Variants in URGCP observed in about 807,000 individuals in gnomAD.
URGCP encodes upregulator of cell proliferation.
Under a neutral mutation model 24.6 loss-of-function variants are expected in URGCP, and 13 were observed. The observed-to-expected ratio is 0.53, with a 90% CI of 0.34 to 0.84. URGCP has a LOEUF of 0.84. Among genes scored for constraint, URGCP ranks in the 40% least tolerant of loss-of-function variants. The pLI is 0.01. For missense variants in URGCP, 899 were observed against 1,194.3 expected, an observed-to-expected ratio of 0.75 and a Z score of 3.64; for synonymous variants, 444 against 487.2, an observed-to-expected ratio of 0.91 and a Z score of 1.17.
At chr7:43,903,405 A>G (rs1280655358) in intron 1 of URGCP, among the ~76,000 whole-genome samples, 1 of 152,200 alleles carries the variant, frequency 6.6e-6, no homozygotes, top group Non-Finnish European at 1.5e-5. Flanking sequence ...TGTTTCTGTA[A>G]AGCTGTCACT....
intron 1 of URGCP, among the ~76,000 whole-genome samples, chr7:43,890,212 A>C (rs1401330018): frequency 1.8e-5 from 2 of 112,800 alleles, no homozygotes; most frequent in African/African-American, 7.2e-5. Context: ...GCCACTGGAA[A>C]CTTTTTTTTT....
At chr7:43,919,029 G>C in intron 1 of URGCP, 2 of 1,127,576 alleles carry the variant, frequency 1.8e-6, no homozygotes, top group Admixed American at 3.4e-5. Context: ...CTCCCAGAGG[G>C]AGAAGATCCA....
At chr7:43,908,047 G>A (rs2095906086), upstream of URGCP, among the ~76,000 whole-genome samples, 1 of 152,146 alleles carries the variant, frequency 6.6e-6, no homozygotes, top group Non-Finnish European at 1.5e-5. Flanking sequence ...CTGATTCAAG[G>A]GAGTAATGAA....
At chr7:43,892,182 T>C (rs1348446562) in intron 1 of URGCP, among the ~76,000 whole-genome samples, 1 of 151,620 alleles carries the variant, frequency 6.6e-6, no homozygotes, top group Admixed American at 6.6e-5. Flanking sequence ...CTTCCCAAAG[T>C]GTGGGGAATA....
chr7:43,898,769 A>C (rs2095883579), intron 1 of URGCP, among the ~76,000 whole-genome samples: 1 of 131,660 alleles, frequency 7.6e-6, no homozygotes, highest in Non-Finnish European at 1.7e-5. Context: ...AAATAAATAA[A>C]TAAATAAATA....
intron 5 of URGCP, among the ~76,000 whole-genome samples, chr7:43,880,349 G>C (rs964796298): frequency 6.6e-6 from 1 of 152,206 alleles, no homozygotes; most frequent in Non-Finnish European, 1.5e-5. Flanking sequence ...CTAGATGCTT[G>C]AAACAGTATT....
chr7:43,883,362 A>ATATTTTTTTT (rs1554289259), intron 3 of URGCP, among the ~76,000 whole-genome samples: 4 of 88,324 alleles, frequency 4.5e-5, no homozygotes, highest in Non-Finnish European at 7.9e-5. Context: ...ATATATATAT[A>ATATTTTTTTT]TTTTTTTTTT....
chr7:43,908,027 TC>T (rs1675372404), upstream of URGCP, among the ~76,000 whole-genome samples: 1 of 152,134 alleles, frequency 6.6e-6, no homozygotes, highest in Non-Finnish European at 1.5e-5. Context: ...AAATCCTAAA[TC>T]CTAAATGCCT....
chr7:43,882,382 G>A (rs1365581228), intron 3 of URGCP, among the ~76,000 whole-genome samples: 2 of 152,168 alleles, frequency 1.3e-5, no homozygotes, highest in East Asian at 1.9e-4. Flanking sequence ...CCCAGGAGGC[G>A]GGGGTTGCAG....
intron 1 of URGCP, among the ~76,000 whole-genome samples, chr7:43,921,395 A>G (rs1407969892): frequency 6.6e-6 from 1 of 152,206 alleles, no homozygotes; most frequent in Non-Finnish European, 1.5e-5. Flanking sequence ...CTTTGATCAG[A>G]TATTTTTGAA....
chr7:43,889,957 T>C (rs1016140746), intron 1 of URGCP, among the ~76,000 whole-genome samples: 1 of 151,736 alleles, frequency 6.6e-6, no homozygotes, highest in Non-Finnish European at 1.5e-5. Flanking sequence ...CAGGTTGGAG[T>C]GCAGTGGTGT....
At chr7:43,880,494 A>G (rs2095852218) in intron 5 of URGCP, among the ~76,000 whole-genome samples, 1 of 152,128 alleles carries the variant, frequency 6.6e-6, no homozygotes, top group South Asian at 2.1e-4. Flanking sequence ...CCAGGCTGGA[A>G]GGCAGTGGTG....
At chr7:43,919,524 C>A in intron 1 of URGCP, 1 of 1,313,596 alleles carries the variant, frequency 7.6e-7, no homozygotes, top group Non-Finnish European at 1.1e-6. Flanking sequence ...CTACACCCAG[C>A]TGACTATGGA....
intron 1 of URGCP, among the ~76,000 whole-genome samples, chr7:43,920,703 G>A (rs549560269): frequency 2.4e-4 from 36 of 152,010 alleles, no homozygotes; most frequent in Non-Finnish European, 3.2e-4. Context: ...ATGCATGCAC[G>A]AGGCCCTAAA....
chr7:43,900,235 G>A (rs1158404680), intron 1 of URGCP, among the ~76,000 whole-genome samples: 3 of 151,278 alleles, frequency 2.0e-5, no homozygotes, highest in African/African-American at 7.3e-5. Context: ...CAGGCGGATC[G>A]CTTAAGGTCA....
rs774684179 is a variant in URGCP, at chr7:43,876,875, G to T, written c.2588C>A (p.Ala863Glu). The change falls in exon 6 of 6, where the codon GCA (alanine) becomes GAA (glutamate). Residue 863 changes from alanine (A) to glutamate (E), a missense_variant. Ala to Glu is a moderately radical substitution (Grantham distance 107). Transcript: ENST00000453200. ...EKQGDGFRAL[A>E]GLAFCDPEKQ... is the part of the protein sequence containing the mutation. ...CTCAGGGTCGCAGAAGGCCAGGCCTGCCAGTGCCCGGAAGCCGTCGCCCTG... is the reference window on the plus strand; with the variant it reads ...CTCAGGGTCGCAGAAGGCCAGGCCTTCCAGTGCCCGGAAGCCGTCGCCCTG... 1 of 1,613,892 alleles carries T rather than the reference G, an allele frequency of 6.2e-7. No homozygotes were observed. Among genetic ancestry groups the T allele is most frequent in the Non-Finnish European group, 8.5e-7 (1 of 1,180,032 alleles).
At chr7:43,926,184 C>T (rs1346656705) in exon 1 of URGCP, 1 of 168,938 alleles carries the variant, frequency 5.9e-6, no homozygotes. Context: ...GGAAGACGCC[C>T]AGGATGTAGG....
chr7:43,897,138 G>A (rs906010480), intron 1 of URGCP, among the ~76,000 whole-genome samples: 2 of 152,120 alleles, frequency 1.3e-5, no homozygotes, highest in African/African-American at 4.8e-5. Flanking sequence ...AGGAGGTTGA[G>A]GCTGCAGTGA....
intron 1 of URGCP, among the ~76,000 whole-genome samples, chr7:43,900,469 C>CAAAAAA (rs759728715): frequency 4.5e-4 from 52 of 114,388 alleles, no homozygotes; most frequent in Non-Finnish European, 5.9e-4. Flanking sequence ...AAAACCAAAA[C>CAAAAAA]AAAAAAAAAA....
Sources: gnomAD v4.1 joint callset for allele counts (sites outside exome capture counted in the v4.1 genomes callset) on GRCh38, gnomAD v4.1.1 for gene constraint, MANE v1.5 for transcripts, NCBI Gene and HGNC (gene_info 2026-07-23, HGNC 2026-07-21) for gene names.